Variants in TMEM204 observed in about 807,000 individuals in gnomAD.
The protein encoded by TMEM204 is claudin-like protein 24.
TMEM204 carries 15 observed loss-of-function variants against 19.4 expected under a neutral mutation model. The ratio of observed to expected loss-of-function variants is 0.77; its 90% CI spans 0.52 to 1.19. TMEM204 has a LOEUF of 1.19. Among genes scored for constraint, TMEM204 ranks in the 50% most tolerant of loss-of-function variants. The probability of loss-of-function intolerance (pLI) is 0.00; values close to 1 mark genes in which losing one functional copy is unlikely to be tolerated. For synonymous variants in TMEM204, 161 were observed against 146.0 expected (o/e 1.10, Z -0.74); for missense variants, 287 against 321.2 (o/e 0.89, Z 0.81).
chr16:1,540,841 C>G (rs1240037072), intron 1 of TMEM204: 2 of 985,318 alleles, frequency 2.0e-6, no homozygotes, highest in East Asian at 1.1e-4. Context: ...GAAAACAAGG[C>G]ATGGCGATGA....
At chr16:1,544,235 G>A (rs1046911015) in intron 2 of TMEM204, among the ~76,000 whole-genome samples, 2 of 150,156 alleles carry the variant, frequency 1.3e-5, no homozygotes, top group Admixed American at 1.3e-4. Flanking sequence ...CCAGGCTGGA[G>A]TGCCGTGGCA....
At chr16:1,538,233 C>T (rs2031274754) in intron 1 of TMEM204, among the ~76,000 whole-genome samples, 1 of 152,204 alleles carries the variant, frequency 6.6e-6, no homozygotes. Context: ...GACTTGGAGG[C>T]TGCAGAGTGG....
upstream of TMEM204, among the ~76,000 whole-genome samples, chr16:1,529,759 TA>T (rs1157942310): frequency 6.6e-6 from 1 of 152,246 alleles, no homozygotes; most frequent in Non-Finnish European, 1.5e-5. Context: ...CCCATGCGTG[TA>T]AAACTAGTTT....
upstream of TMEM204, among the ~76,000 whole-genome samples, chr16:1,528,994 C>A (rs1010253501): frequency 1.3e-5 from 2 of 152,146 alleles, no homozygotes; most frequent in African/African-American, 4.8e-5. Context: ...GAGATGGTAG[C>A]CCCGGGCAGG....
upstream of TMEM204, among the ~76,000 whole-genome samples, chr16:1,529,877 G>T (rs1406182012): frequency 6.6e-6 from 1 of 152,306 alleles, no homozygotes; most frequent in East Asian, 1.9e-4. Context: ...AATGATGCAC[G>T]TGGAGTGCAG....
At chr16:1,552,077 T>C (rs1181019624) in intron 2 of TMEM204, among the ~76,000 whole-genome samples, 1 of 152,176 alleles carries the variant, frequency 6.6e-6, no homozygotes, top group African/African-American at 2.4e-5. Context: ...GCACAATCCC[T>C]TTCCACTGTT....
At chr16:1,533,240 C>G (rs1178909065), upstream of TMEM204, 2 of 152,336 alleles carry the variant, frequency 1.3e-5, no homozygotes, top group African/African-American at 2.4e-5. This position sits in a 1 kb window ranked among gnomAD's most constrained non-coding sequence, Gnocchi z 4.7. Context: ...ATATCTGCCC[C>G]CCTTTTGAGG....
chr16:1,531,906 G>C (rs1344320599), upstream of TMEM204: 1 of 152,296 alleles, frequency 6.6e-6, no homozygotes, highest in African/African-American at 2.4e-5. The surrounding 1 kb of genome is among the most constrained non-coding windows in gnomAD (Gnocchi z 4.7). Flanking sequence ...TGTCCTCTGG[G>C]CTCTGAAACC....
chr16:1,549,051 C>G (rs2032417021), intron 2 of TMEM204, among the ~76,000 whole-genome samples: 1 of 152,210 alleles, frequency 6.6e-6, no homozygotes, highest in African/African-American at 2.4e-5. Flanking sequence ...TGCTCTGGTG[C>G]TAGGACGAGG....
intron 2 of TMEM204, among the ~76,000 whole-genome samples, chr16:1,542,963 A>G (rs2031790718): frequency 6.6e-6 from 1 of 152,312 alleles, no homozygotes; most frequent in African/African-American, 2.4e-5. Flanking sequence ...GTTCTAGACA[A>G]GTGCTTGAGC....
At chr16:1,540,681 G>A (rs1249227859) in intron 1 of TMEM204, 5 of 285,464 alleles carry the variant, frequency 1.8e-5, no homozygotes, top group East Asian at 1.8e-4. Context: ...GCGGGGACCC[G>A]CTCCTGAGTG....
At chr16:1,546,410 C>G (rs181441201) in intron 2 of TMEM204, among the ~76,000 whole-genome samples, 217 of 152,320 alleles carry the variant, frequency 1.4e-3, no homozygotes, top group African/African-American at 5.0e-3. Flanking sequence ...GGCTCTGCCC[C>G]TGGTCAGCTG....
In TMEM204 at chr16:1,553,068, A is replaced by T. The variant is rs563028616; in HGVS notation, c.437-1714A>T. 146 of 985,484 alleles carry T rather than the reference A, an allele frequency of 1.5e-4. No individual in the cohort carries two copies. The African/African-American group carries it at 2.4e-3, about 16-fold the overall frequency. The allele number at this position is 985,484 out of a possible 1,614,324, so 61.0% of individuals were successfully genotyped here. A position where few individuals can be genotyped will look rare whatever the true frequency, so the allele number is the denominator to read the frequency against. The stretch of plus-strand genomic sequence containing the variant: ...CCAGTCACTGTCATTGTTCAGGACA[A>T]AATGGAGATAGATAAATGCTTAATT... On this transcript the variant is annotated intron_variant, in intron 2 of 2. Transcript: ENST00000566264. This position sits in a 1 kb window ranked among gnomAD's most constrained non-coding sequence, Gnocchi z 4.4.
At chr16:1,545,488 T>C (rs2032093618) in intron 2 of TMEM204, among the ~76,000 whole-genome samples, 1 of 152,250 alleles carries the variant, frequency 6.6e-6, no homozygotes, top group African/African-American at 2.4e-5. Flanking sequence ...GCCTTTCTTC[T>C]ATCATGTTGC....
rs1596319227 is a variant in TMEM204, at chr16:1,534,327, C to T, written c.52C>T (p.Leu18Phe). 1 of 1,612,844 alleles carries T rather than the reference C, an allele frequency of 6.2e-7. No individual in the cohort carries two copies. The highest frequency in any genetic ancestry group is 8.5e-7 in the Non-Finnish European group (1 of 1,179,894). ...GGCCGTGCTGGTGGCCCTGGTCTCA[C>T]TCATCCTCAACAACGTGGCGGCCTT... ...AAAVLVALVSLILNNVAAFTS... is the reference protein window; with the variant it reads ...AAAVLVALVSFILNNVAAFTS... Residue 18 changes from leucine to phenylalanine, a missense_variant, in exon 1 of 3, where the codon CTC becomes TTC. Leu to Phe is a conservative substitution (Grantham distance 22). Coordinates refer to ENST00000566264, the MANE Select transcript of TMEM204 (RefSeq NM_024600.6).
upstream of TMEM204, among the ~76,000 whole-genome samples, chr16:1,529,326 G>T (rs1343206642): frequency 6.6e-6 from 1 of 152,210 alleles, no homozygotes. Flanking sequence ...AGCGTCTGGG[G>T]GGCCGGGAAG....
intron 2 of TMEM204, among the ~76,000 whole-genome samples, chr16:1,545,827 T>G (rs1016942876): frequency 6.6e-6 from 1 of 152,236 alleles, no homozygotes; most frequent in African/African-American, 2.4e-5. Context: ...CATGAATGTT[T>G]CTGGGCTCAG....
chr16:1,544,847 A>C (rs1216739089), intron 2 of TMEM204, among the ~76,000 whole-genome samples: 7 of 150,874 alleles, frequency 4.6e-5, no homozygotes, highest in Non-Finnish European at 1.0e-4. Flanking sequence ...ACGGGGTTTC[A>C]CCGTGTTAGC....
Position 1,551,752 on chromosome 16 carries a change from G to A in TMEM204, c.437-3030G>A, listed in dbSNP as rs1327901101. Among the ~76,000 whole-genome samples the A allele has an allele frequency of 6.6e-6, 1 of 152,164 alleles. No homozygotes were observed. Among genetic ancestry groups the A allele is most frequent in the African/African-American group, 2.4e-5 (1 of 41,422 alleles). On this transcript the variant is annotated intron_variant, in intron 2 of 2. Coordinates refer to ENST00000566264, the MANE Select transcript of TMEM204 (RefSeq NM_024600.6). The surrounding 1 kb of genome is among the most constrained non-coding windows in gnomAD (Gnocchi z 4.0). ...TGTTGGGAGCTACCTATACAAAGGA[G>A]GCCACACCACACGTGCGTGGTCCGG...
Sources: allele counts gnomAD v4.1 joint callset (sites outside exome capture counted in the v4.1 genomes callset), GRCh38; gene constraint gnomAD v4.1.1; non-coding constraint Gnocchi (gnomAD v3.1); transcripts MANE v1.5; gene names NCBI Gene and HGNC (gene_info 2026-07-23, HGNC 2026-07-21).